CACNA2D2: variants seen among roughly 807,000 people sequenced by gnomAD.
CACNA2D2 encodes calcium voltage-gated channel auxiliary subunit alpha2delta 2.
A neutral mutation model predicts 166.4 loss-of-function variants in CACNA2D2; 48 were observed. The ratio of observed to expected loss-of-function variants is 0.29; its 90% CI spans 0.23 to 0.37. The LOEUF is 0.37. CACNA2D2 is among the 10% of genes least tolerant of loss of function. CACNA2D2 has a pLI of 1.00. For synonymous variants in CACNA2D2, 561 were observed against 573.7 expected (o/e 0.98, Z 0.32); for missense variants, 1,122 against 1,433.0 (o/e 0.78, Z 3.50).
rs1575603122 is a variant in CACNA2D2 at position 50,379,634 on chromosome 3, G to A, written c.994-44C>T. 2 of 1,612,592 alleles carry A rather than the reference G, an allele frequency of 1.2e-6. No individual in the cohort carries two copies. The highest frequency in any genetic ancestry group is 8.5e-7 in the Non-Finnish European group (1 of 1,179,032). The stretch of plus-strand genomic sequence containing the variant: ...GGTGAGTGGCCTCAGGCTGGCCGGG[G>A]TAGGCAGCTATTGCATGGGGCTGGT... On this transcript the variant is annotated intron_variant, in intron 10 of 37. Coordinates refer to ENST00000424201, the MANE Select transcript of CACNA2D2 (RefSeq NM_006030.4). The surrounding 1 kb of genome is among the most constrained non-coding windows in gnomAD (Gnocchi z 6.5).
In CACNA2D2 at chr3:50,375,872, C is replaced by T; in HGVS notation, c.1782G>A (p.Arg594=). 3 of 1,613,020 alleles carry T rather than the reference C, an allele frequency of 1.9e-6. No homozygotes were observed. The highest frequency in any genetic ancestry group is 2.5e-6 in the Non-Finnish European group (3 of 1,179,984). Residue 594 remains arginine (R), a synonymous_variant, in exon 20 of 38, where the codon CGG becomes CGA. Transcript: ENST00000424201. The surrounding 1 kb of genome is among the most constrained non-coding windows in gnomAD (Gnocchi z 4.0). ...LEDENKEEIR[R]SMIDGNKGHK... Reference sequence around the variant, plus strand: ...GGCCCTTGTTGCCATCAATCATGCTCCGACGGATCTGGAAGGGCCAGAGAT... The same window carrying T: ...GGCCCTTGTTGCCATCAATCATGCTTCGACGGATCTGGAAGGGCCAGAGAT...
At position 50,379,193 on chromosome 3, in the gene CACNA2D2, T is replaced by C. The variant is rs1559890242; in HGVS notation, c.1159A>G (p.Ile387Val). ...ATCTTGTTGCAGTTGGCCCGAGTGA[T>C]GTTGGACTGAGGGGAGTGAGGCGGA... is the stretch of plus-strand genomic sequence containing the variant. ...YAFDQLQNSN[I>V]TRANCNKMIM... Residue 387 changes from isoleucine (I) to valine (V), a missense_variant, in exon 12 of 38, where the codon ATC becomes GTC. Ile to Val is a conservative substitution (Grantham distance 29). Transcript: ENST00000424201. The surrounding 1 kb of genome is among the most constrained non-coding windows in gnomAD (Gnocchi z 6.5). 1.9e-6 allele frequency: 3 copies of C among 1,613,340 alleles called. No homozygotes were observed. In the Admixed American group the frequency reaches 5.0e-5, roughly 27 times the overall value.
chr3:50,406,098 C>T lies in CACNA2D2; in HGVS notation c.406-11930G>A, dbSNP rs1433795168. 4.6e-5 allele frequency among the ~76,000 whole-genome samples: 7 copies of T among 151,970 alleles called. 1 individual carries two copies. The East Asian group carries it at 1.0e-3, about 22-fold the overall frequency. The stretch of plus-strand genomic sequence containing the variant: ...AGTGGCTCTGCCCCTGCCCCCTGGT[C>T]TGGGATCACAGGTCATTGCCCTTTG... On this transcript the variant is annotated intron_variant, in intron 3 of 37. Transcript: ENST00000424201.
chr3:50,388,216 G>A (rs1437710006), intron 4 of CACNA2D2, among the ~76,000 whole-genome samples: 1 of 152,202 alleles, frequency 6.6e-6, no homozygotes, highest in Non-Finnish European at 1.5e-5. Context: ...CTGGGTTCTT[G>A]GCCATCTGTG....
chr3:50,469,298 A>C (rs1709964194), intron 2 of CACNA2D2, among the ~76,000 whole-genome samples: 1 of 152,112 alleles, frequency 6.6e-6, no homozygotes. Context: ...TTTCCGGCCA[A>C]AGAAATCACG....
intron 4 of CACNA2D2, among the ~76,000 whole-genome samples, chr3:50,389,864 A>G (rs1471511881): frequency 1.3e-5 from 2 of 152,190 alleles, no homozygotes. Context: ...TGCCTCTAGG[A>G]GGGCGAGACC....
At chr3:50,480,546 T>C (rs1037439026) in intron 1 of CACNA2D2, among the ~76,000 whole-genome samples, 3 of 151,624 alleles carry the variant, frequency 2.0e-5, no homozygotes, top group Non-Finnish European at 2.9e-5. Context: ...GGTAAGAAGA[T>C]GACACCCTGA....
chr3:50,473,251 G>A (rs1710174508), intron 2 of CACNA2D2, among the ~76,000 whole-genome samples: 1 of 152,206 alleles, frequency 6.6e-6, no homozygotes, highest in Admixed American at 6.5e-5. Context: ...TGCCCTCATG[G>A]GGGTTATGGT....
chr3:50,367,589 G>C lies in CACNA2D2; in HGVS notation c.2297+53C>G. The C allele has an allele frequency of 6.2e-7, 1 of 1,606,392 alleles. No individual in the cohort carries two copies. The highest frequency in any genetic ancestry group is 8.5e-7 in the Non-Finnish European group (1 of 1,173,920). On this transcript the variant is annotated intron_variant, in intron 26 of 37. Transcript: ENST00000424201. The surrounding 1 kb of genome is among the most constrained non-coding windows in gnomAD (Gnocchi z 6.5). ...TGCAAGGAGGCCTCTGGGCAGAACAGATGCAGGTTCCCTGGCAGGGGCAGG... is the reference window on the plus strand; with the variant it reads ...TGCAAGGAGGCCTCTGGGCAGAACACATGCAGGTTCCCTGGCAGGGGCAGG...
intron 1 of CACNA2D2, among the ~76,000 whole-genome samples, chr3:50,479,683 G>A (rs1009756856): frequency 2.6e-5 from 4 of 151,500 alleles, no homozygotes; most frequent in African/African-American, 9.8e-5. Flanking sequence ...GCAGAAGGGA[G>A]GGGGCCTTGG....
chr3:50,456,532 T>A (rs920603947), intron 2 of CACNA2D2, among the ~76,000 whole-genome samples: 29 of 152,230 alleles, frequency 1.9e-4, no homozygotes, highest in African/African-American at 6.5e-4. Context: ...CAACCTTCTC[T>A]GGGCCTCAAT....
At chr3:50,502,201 A>T (rs1456013960) in intron 1 of CACNA2D2, among the ~76,000 whole-genome samples, 1 of 152,072 alleles carries the variant, frequency 6.6e-6, no homozygotes, top group Non-Finnish European at 1.5e-5. Flanking sequence ...CAGCAGCCCG[A>T]CGACTCATGC....
chr3:50,419,237 T>C (rs1348069257), intron 3 of CACNA2D2, among the ~76,000 whole-genome samples: 1 of 152,162 alleles, frequency 6.6e-6, no homozygotes. Context: ...CCTGAGGACA[T>C]GGTGGCATCT....
chr3:50,402,506 A>T (rs1325463749), intron 3 of CACNA2D2, among the ~76,000 whole-genome samples: 1 of 152,220 alleles, frequency 6.6e-6, no homozygotes, highest in East Asian at 1.9e-4. Context: ...AAATAAACCA[A>T]TACATGCAAC....
In CACNA2D2 at chr3:50,395,791, T is replaced by A. The variant is rs576350667; in HGVS notation, c.406-1623A>T. On this transcript the variant is annotated intron_variant, in intron 3 of 37. Transcript: ENST00000424201. ...GTCACAACCCCATAGTTAGAGGGGC[T>A]GTCCAGGGCCATCTCCAGCCCCATT... Among the ~76,000 whole-genome samples the A allele has an allele frequency of 1.1e-3, 167 of 152,316 alleles. 1 individual carries two copies. Among genetic ancestry groups the A allele is most frequent in the Middle Eastern group, 3.4e-3 (1 of 294 alleles).
At chr3:50,451,139 T>C (rs1209873324) in intron 2 of CACNA2D2, among the ~76,000 whole-genome samples, 1 of 151,742 alleles carries the variant, frequency 6.6e-6, no homozygotes, top group Non-Finnish European at 1.5e-5. Context: ...GGCTGTTTTT[T>C]TTTGAGACGG....
chr3:50,388,572 G>A (rs1705723549), intron 4 of CACNA2D2, among the ~76,000 whole-genome samples: 1 of 152,206 alleles, frequency 6.6e-6, no homozygotes, highest in Admixed American at 6.5e-5. Context: ...GCCACCCAGG[G>A]GCTGGCTGTG....
At chr3:50,369,526 G>A (rs587721000) in intron 23 of CACNA2D2, among the ~76,000 whole-genome samples, 1 of 152,340 alleles carries the variant, frequency 6.6e-6, no homozygotes, top group South Asian at 2.1e-4. Context: ...ATGCACATAC[G>A]TGCACACACG....
chr3:50,495,828 T>C (rs1415689279), intron 1 of CACNA2D2, among the ~76,000 whole-genome samples: 2 of 152,336 alleles, frequency 1.3e-5, no homozygotes, highest in African/African-American at 4.8e-5. Context: ...CTCCAGATTT[T>C]CCACGCGGGG....
Sources: allele counts gnomAD v4.1 joint callset (sites outside exome capture counted in the v4.1 genomes callset), GRCh38; gene constraint gnomAD v4.1.1; non-coding constraint Gnocchi (gnomAD v3.1); transcripts MANE v1.5; gene names NCBI Gene and HGNC (gene_info 2026-07-23, HGNC 2026-07-21).